The following DIXDC1 variants were observed in gnomAD, a reference collection of about 807,000 sequenced individuals.
The protein encoded by DIXDC1 is dixin.
In DIXDC1, 64 loss-of-function variants were observed where a neutral mutation model predicts 103.1. That is an observed-to-expected ratio of 0.62 (90% CI 0.51 to 0.76). The LOEUF (loss-of-function observed/expected upper bound fraction) is 0.76. Ranked by LOEUF, DIXDC1 falls within the 30% of genes least tolerant of loss-of-function variation. The pLI, the probability that DIXDC1 is intolerant of heterozygous loss-of-function variation, is 0.00. For missense variants in DIXDC1, 759 were observed against 834.2 expected, an observed-to-expected ratio of 0.91 and a Z score of 1.11; for synonymous variants, 266 against 298.5, an observed-to-expected ratio of 0.89 and a Z score of 1.12.
Position 112,005,873 on chromosome 11 carries a change from C to G in DIXDC1, c.1756+9727C>G, listed in dbSNP as rs587615421. ...AGAAAACCTGGGCCGGGTGTGGTGGCTTATGACTATAATCCCAGCACTTTG... is the reference window on the plus strand; with the variant it reads ...AGAAAACCTGGGCCGGGTGTGGTGGGTTATGACTATAATCCCAGCACTTTG... On this transcript the variant is annotated intron_variant, in intron 17 of 19. Coordinates refer to ENST00000440460, the MANE Select transcript of DIXDC1 (RefSeq NM_001037954.4). Among the ~76,000 whole-genome samples, 14 of 152,268 alleles carry G rather than the reference C, an allele frequency of 9.2e-5. No individual in the cohort carries two copies. The South Asian group carries it at 2.9e-3, about 32-fold the overall frequency.
At chr11:111,974,825 T>A (rs1860045618) in intron 4 of DIXDC1, 51 bp from the exon 5 acceptor site, 1 of 1,591,708 alleles carries the variant, frequency 6.3e-7, no homozygotes, top group Non-Finnish European at 8.6e-7. Flanking sequence ...GTTGAGTTGA[T>A]CTGATCTGAA....
At chr11:111,937,015 A>ATGTGTGTG (rs782375854), upstream of DIXDC1, among the ~76,000 whole-genome samples, 4 of 127,606 alleles carry the variant, frequency 3.1e-5, no homozygotes, top group East Asian at 2.2e-4. Flanking sequence ...GTATGTGTGT[A>ATGTGTGTG]TGTGTGTGTG....
At position 112,019,654 on chromosome 11, in the gene DIXDC1, G is replaced by A. The variant is rs1861696700; in HGVS notation, c.*618G>A. 1 of 152,664 alleles carries A rather than the reference G, an allele frequency of 6.6e-6. No homozygotes were observed. The highest frequency in any genetic ancestry group is 1.5e-5 in the Non-Finnish European group (1 of 68,054). The allele number at this position is 152,664 out of a possible 1,614,324, so 9.5% of individuals were successfully genotyped here. ...TGTTGTGCTACACTATGCTAAAACT[G>A]TAATTTAGTAAGACCTTGGGCTGCC... On this transcript the variant is annotated 3_prime_UTR_variant, in exon 20 of 20. Transcript: ENST00000440460.
chr11:111,937,476 C>T lies in DIXDC1; in HGVS notation c.-24C>T. 6.4e-7 allele frequency: 1 copy of T among 1,568,222 alleles called. No homozygotes were observed. The highest frequency in any genetic ancestry group is 8.6e-7 in the Non-Finnish European group (1 of 1,157,182). ...GGCGGCCGCCGGGCTGGAGACCCCG[C>T]CCGGGGAGCCCCCAGCAGGAACAAT... is the stretch of plus-strand genomic sequence containing the variant. On this transcript the variant is annotated 5_prime_UTR_variant, in exon 1 of 20. Transcript: ENST00000440460.
At chr11:111,932,089 G>A (rs1966041132) in intron 2 of DIXDC1, among the ~76,000 whole-genome samples, 1 of 147,004 alleles carries the variant, frequency 6.8e-6, no homozygotes, top group South Asian at 2.2e-4. Context: ...GGAGTGCAGT[G>A]GCACGATCTC....
intron 7 of DIXDC1, among the ~76,000 whole-genome samples, chr11:111,983,286 C>A (rs970848374): frequency 7.2e-5 from 11 of 152,322 alleles, no homozygotes; most frequent in African/African-American, 2.6e-4. Context: ...AGCCGGCAGG[C>A]GGTGGAGGGC....
chr11:111,929,541 C>G (rs587699210), intron 1 of DIXDC1, among the ~76,000 whole-genome samples: 14 of 148,706 alleles, frequency 9.4e-5, no homozygotes, highest in African/African-American at 3.5e-4. Flanking sequence ...TATGACAGTG[C>G]CAGTGCACTC....
At position 111,937,605 on chromosome 11, in the gene DIXDC1, T is replaced by C. The variant is rs587635682; in HGVS notation, c.60+46T>C. 323 of 1,546,486 alleles carry C rather than the reference T, an allele frequency of 2.1e-4. 2 individuals carry two copies. The East Asian group carries it at 7.5e-3, about 36-fold the overall frequency. On this transcript the variant is annotated intron_variant, in intron 1 of 19. Coordinates refer to ENST00000440460, the MANE Select transcript of DIXDC1 (RefSeq NM_001037954.4). Reference sequence around the variant, plus strand: ...ACTCCTCAGCTCCCCTCCCCCAGCGTCTCCCGCCCAGTCTCCGGAAGGGGT... The same window carrying C: ...ACTCCTCAGCTCCCCTCCCCCAGCGCCTCCCGCCCAGTCTCCGGAAGGGGT...
At chr11:111,964,005 CTG>C (rs1859651464) in intron 1 of DIXDC1, among the ~76,000 whole-genome samples, 1 of 152,188 alleles carries the variant, frequency 6.6e-6, no homozygotes, top group Non-Finnish European at 1.5e-5. Context: ...CTTGGGTTGA[CTG>C]TGAGATGATT....
intron 3 of DIXDC1, among the ~76,000 whole-genome samples, chr11:111,971,669 A>G (rs1190530458): frequency 2.0e-5 from 3 of 152,184 alleles, no homozygotes; most frequent in Non-Finnish European, 2.9e-5. Context: ...TAGCAAAAAC[A>G]TGGAATCAAC....
Position 111,977,779 on chromosome 11 carries a change from G to A in DIXDC1, c.656+2796G>A. The A allele has an allele frequency of 6.4e-7, 1 of 1,566,248 alleles. No homozygotes were observed. Among genetic ancestry groups the A allele is most frequent in the Non-Finnish European group, 8.7e-7 (1 of 1,155,966 alleles). Reference sequence around the variant, plus strand: ...CGAGACAGGAGGGGGACCATGGGAGGGACGCAAGTCAAATGGTGAGCTGAA... The same window carrying A: ...CGAGACAGGAGGGGGACCATGGGAGAGACGCAAGTCAAATGGTGAGCTGAA... On this transcript the variant is annotated intron_variant, in intron 5 of 19. Transcript: ENST00000440460. This position sits in a 1 kb window ranked among gnomAD's most constrained non-coding sequence, Gnocchi z 6.1.
In DIXDC1 at chr11:111,982,174, A is replaced by G. The variant is rs1860325945; in HGVS notation, c.770-165A>G. 3 of 625,218 alleles carry G rather than the reference A, an allele frequency of 4.8e-6. No individual in the cohort carries two copies. In the East Asian group the frequency reaches 8.4e-5, roughly 17 times the overall value. The allele number at this position is 625,218 out of a possible 1,614,324, so 38.7% of individuals were successfully genotyped here. Reference sequence around the variant, plus strand: ...AGCCTGAGGCCTGAGCTCACAGCCAATTCTTTAGGCCTCACAACCCCACCT... The same window carrying G: ...AGCCTGAGGCCTGAGCTCACAGCCAGTTCTTTAGGCCTCACAACCCCACCT... On this transcript the variant is annotated intron_variant, in intron 6 of 19. Coordinates refer to ENST00000440460, the MANE Select transcript of DIXDC1 (RefSeq NM_001037954.4).
rs782265316 is a variant in DIXDC1, at chr11:112,020,341, C to A, written c.*1305C>A. On this transcript the variant is annotated 3_prime_UTR_variant, in exon 20 of 20. Transcript: ENST00000440460. ...TGCCAAACACAAGAGTAGGACACAT[C>A]TGTTCTGGGTTCTTGACCTATCTGT... is the stretch of plus-strand genomic sequence containing the variant. The A allele has an allele frequency of 6.6e-6, 1 of 152,660 alleles. No individual in the cohort carries two copies. Among genetic ancestry groups the A allele is most frequent in the Non-Finnish European group, 1.5e-5 (1 of 68,046 alleles). The allele number at this position is 152,660 out of a possible 1,614,324, so 9.5% of individuals were successfully genotyped here. A position where few individuals can be genotyped will look rare whatever the true frequency, so the allele number is the denominator to read the frequency against.
intron 17 of DIXDC1, among the ~76,000 whole-genome samples, chr11:112,008,757 A>G (rs1046163870): frequency 7.2e-5 from 11 of 152,240 alleles, no homozygotes; most frequent in Non-Finnish European, 1.3e-4. Context: ...TTTGAAACCA[A>G]TGAGAACAAA....
intron 17 of DIXDC1, among the ~76,000 whole-genome samples, chr11:112,013,342 G>GGGGGGGGGGGGGGGGGGGGC (rs1861490432): frequency 8.0e-6 from 1 of 125,120 alleles, no homozygotes; most frequent in Non-Finnish European, 1.7e-5. Context: ...TGGGGGGGGG[G>GGGGGGGGGGGGGGGGGGGGC]AACAAATTCA....
chr11:111,964,771 C>A, intron 2 of DIXDC1, 93 bp downstream of exon 2: 1 of 1,422,172 alleles, frequency 7.0e-7, no homozygotes, highest in South Asian at 1.5e-5. Context: ...GTTATTTTTT[C>A]TTTAGAATAT....
chr11:111,956,313 T>A (rs587623676), intron 1 of DIXDC1, among the ~76,000 whole-genome samples: 1 of 152,302 alleles, frequency 6.6e-6, no homozygotes, highest in South Asian at 2.1e-4. Context: ...AATGTGAATA[T>A]ACTTAACACT....
In DIXDC1 at chr11:111,977,531, C is replaced by T. The variant is rs782684470; in HGVS notation, c.656+2548C>T. The T allele has an allele frequency of 7.0e-7, 1 of 1,424,630 alleles. No homozygotes were observed. The highest frequency in any genetic ancestry group is 2.8e-5 in the East Asian group (1 of 36,040). 88.2% of individuals were successfully genotyped at this position (1,424,630 alleles called of 1,614,324 possible). A position where few individuals can be genotyped will look rare whatever the true frequency, so the allele number is the denominator to read the frequency against. On this transcript the variant is annotated intron_variant, in intron 5 of 19. Transcript: ENST00000440460. This position sits in a 1 kb window ranked among gnomAD's most constrained non-coding sequence, Gnocchi z 6.1. ...CGGGCTGCTGCACAGTCTGAGCGGC[C>T]GGGACTGCGCGCTTCAGAGCCTGGA...
chr11:111,950,134 A>G (rs587746499), intron 1 of DIXDC1, among the ~76,000 whole-genome samples: 14 of 152,092 alleles, frequency 9.2e-5, no homozygotes, highest in Admixed American at 7.2e-4. Context: ...AAGAAAACCA[A>G]TTTTACAAGC....
Sources: allele counts gnomAD v4.1 joint callset (sites outside exome capture counted in the v4.1 genomes callset), GRCh38; gene constraint gnomAD v4.1.1; non-coding constraint Gnocchi (gnomAD v3.1); transcripts MANE v1.5; gene names NCBI Gene and HGNC (gene_info 2026-07-23, HGNC 2026-07-21).